FADS6: variants seen among roughly 807,000 people sequenced by gnomAD.
The protein encoded by FADS6 is fatty acid desaturase 6.
In FADS6, 28 loss-of-function variants were observed where a neutral mutation model predicts 31.7. The ratio of observed to expected loss-of-function variants is 0.88; its 90% CI spans 0.66 to 1.21. FADS6 has a LOEUF of 1.21. FADS6 is among the 50% of genes most tolerant of loss of function. The pLI, the probability that FADS6 is intolerant of heterozygous loss-of-function variation, is 0.00. For missense variants in FADS6, 494 were observed against 504.2 expected (o/e 0.98, Z 0.19); for synonymous variants, 191 against 213.1 (o/e 0.90, Z 0.90).
chr17:74,888,963 C>A (rs537965369), intron 2 of FADS6, among the ~76,000 whole-genome samples: 3 of 152,176 alleles, frequency 2.0e-5, no homozygotes, highest in African/African-American at 4.8e-5. Context: ...CAGGTACTCT[C>A]GCTGGGTAAG....
At chr17:74,891,249 G>A (rs1487207148) in intron 2 of FADS6, among the ~76,000 whole-genome samples, 1 of 151,380 alleles carries the variant, frequency 6.6e-6, no homozygotes, top group African/African-American at 2.4e-5. Context: ...CGTTGGTCAT[G>A]CTGGTCTCAA....
Position 74,882,569 on chromosome 17 carries a change from G to T in FADS6, c.553C>A (p.Pro185Thr). ...GGAGTGGCGATGGGGAGGAGGAAAG[G>T]AGCAAGGAACATGTAGACATAGCGG... ...LNRYVYMFLAPFLLPIATPLV... is the reference protein window; with the variant it reads ...LNRYVYMFLATFLLPIATPLV... The change falls in exon 3 of 6, where the codon CCT becomes ACT. Residue 185 changes from proline to threonine, a missense_variant. Pro to Thr is a conservative substitution (Grantham distance 38). This residue lies in a region of FADS6 where 454 missense variants were observed against 438.5 expected (regional missense o/e 1.04). Transcript: ENST00000612771. The T allele has an allele frequency of 6.2e-7, 1 of 1,612,320 alleles. No homozygotes were observed. The highest frequency in any genetic ancestry group is 8.5e-7 in the Non-Finnish European group (1 of 1,179,356).
chr17:74,885,725 T>C (rs966063314), intron 2 of FADS6, among the ~76,000 whole-genome samples: 1 of 152,158 alleles, frequency 6.6e-6, no homozygotes, highest in Non-Finnish European at 1.5e-5. Flanking sequence ...TCTCTCAGCC[T>C]GCCCATGCCA....
Position 74,879,612 on chromosome 17 carries a change from C to T in FADS6, c.781-29G>A, listed in dbSNP as rs376084957. ...TGACAGACACGTGGGTCACGCCGGG[C>T]AGCCTGGACCTCCCCACCCCACTCC... On this transcript the variant is annotated intron_variant, in intron 4 of 5. Transcript: ENST00000612771. The T allele has an allele frequency of 1.5e-4, 243 of 1,592,840 alleles. 1 individual carries two copies. In the African/African-American group the frequency reaches 3.0e-3, roughly 20 times the overall value.
intron 2 of FADS6, among the ~76,000 whole-genome samples, chr17:74,888,155 C>T (rs1490779336): frequency 3.5e-5 from 3 of 86,310 alleles, no homozygotes; most frequent in East Asian, 3.9e-4. Flanking sequence ...CACACACACA[C>T]GCGCGCGCGC....
At chr17:74,893,259 A>T in intron 1 of FADS6, 93 bp downstream of exon 1, 1 of 1,354,366 alleles carries the variant, frequency 7.4e-7, no homozygotes, top group Non-Finnish European at 9.7e-7. Context: ...CTGCACTCCC[A>T]CGGCTGCTGT....
intron 1 of FADS6, among the ~76,000 whole-genome samples, chr17:74,893,142 C>T (rs1381108664): frequency 6.6e-6 from 1 of 152,174 alleles, no homozygotes; most frequent in East Asian, 1.9e-4. Flanking sequence ...GTACACAGGG[C>T]AGAACACCCC....
rs2038582955 is a variant in FADS6 at position 74,882,613 on chromosome 17, C to T, written c.509G>A (p.Trp170Ter). Residue 170 changes from tryptophan (W) to a stop codon, truncating the protein, a stop_gained, in exon 3 of 6, where the codon TGG (tryptophan) becomes TAG (stop). Transcript: ENST00000612771. LOFTEE classifies it high-confidence loss of function. ...NVVGLGDSST[W>*]RLPCLNRYVY... ...ATAGCGGTTGAGGCAAGGCAGCCTC[C>T]ACGTGCTGGAGTCCCCCAGGCCCAC... is the stretch of plus-strand genomic sequence containing the variant. The T allele has an allele frequency of 6.2e-7, 1 of 1,611,460 alleles. No homozygotes were observed. The highest frequency in any genetic ancestry group is 8.5e-7 in the Non-Finnish European group (1 of 1,179,042).
intron 2 of FADS6, among the ~76,000 whole-genome samples, chr17:74,887,502 C>G (rs1161365813): frequency 6.6e-6 from 1 of 152,194 alleles, no homozygotes; most frequent in Non-Finnish European, 1.5e-5. Flanking sequence ...TCTGCCTGCC[C>G]CAGTCACCTA....
At chr17:74,884,442 A>C (rs1018288586) in intron 2 of FADS6, among the ~76,000 whole-genome samples, 1 of 152,194 alleles carries the variant, frequency 6.6e-6, no homozygotes, top group East Asian at 1.9e-4. Flanking sequence ...CAAATTCATC[A>C]ATGTGTGTTA....
chr17:74,884,189 G>A (rs1029894142), intron 2 of FADS6, among the ~76,000 whole-genome samples: 29 of 152,092 alleles, frequency 1.9e-4, no homozygotes, highest in Non-Finnish European at 4.3e-4. Context: ...GCCCTCACCA[G>A]GGTCCCTCTC....
At chr17:74,892,775 C>A (rs2038705377) in intron 1 of FADS6, 86 bp from the exon 2 acceptor site, 1 of 1,371,142 alleles carries the variant, frequency 7.3e-7, no homozygotes, top group Non-Finnish European at 9.7e-7. Flanking sequence ...CCTGGGAGCC[C>A]AGGCTAAAGT....
intron 2 of FADS6, among the ~76,000 whole-genome samples, chr17:74,892,285 G>A (rs930528425): frequency 6.6e-6 from 1 of 152,216 alleles, no homozygotes; most frequent in African/African-American, 2.4e-5. Context: ...GGCCAAGACA[G>A]CGGCATACTC....
At chr17:74,887,758 TCACC>T (rs2038638534) in intron 2 of FADS6, among the ~76,000 whole-genome samples, 1 of 152,172 alleles carries the variant, frequency 6.6e-6, no homozygotes, top group Admixed American at 6.5e-5. Flanking sequence ...CAATCTCAGC[TCACC>T]ACAACCTCCG....
At chr17:74,883,382 G>C (rs974995908) in intron 2 of FADS6, among the ~76,000 whole-genome samples, 1 of 152,208 alleles carries the variant, frequency 6.6e-6, no homozygotes, top group African/African-American at 2.4e-5. Flanking sequence ...GCAGATACAT[G>C]CAAATGGTAT....
intron 2 of FADS6, among the ~76,000 whole-genome samples, chr17:74,888,796 A>G (rs143462472): frequency 1.3e-5 from 2 of 152,298 alleles, no homozygotes; most frequent in African/African-American, 4.8e-5. Flanking sequence ...TCAGGAGTTA[A>G]TCTTTCCCAA....
At chr17:74,892,096 G>A (rs1413293556) in intron 2 of FADS6, among the ~76,000 whole-genome samples, 11 of 152,186 alleles carry the variant, frequency 7.2e-5, no homozygotes, top group South Asian at 2.1e-4. Context: ...AGCTGACCCC[G>A]GGGAGCAGGG....
chr17:74,877,705 C>T lies in FADS6; in HGVS notation c.*626G>A, dbSNP rs748612615. 6.3e-5 allele frequency: 62 copies of T among 985,446 alleles called. No homozygotes were observed. Among genetic ancestry groups the T allele is most frequent in the Admixed American group, 1.2e-4 (2 of 16,250 alleles). 61.0% of individuals were successfully genotyped at this position (985,446 alleles called of 1,614,324 possible). A position where few individuals can be genotyped will look rare whatever the true frequency, so the allele number is the denominator to read the frequency against. ...CCTCACTTCCCCTGGAGTTCCCTCC[C>T]GACAAAACACACTCACTTTTATCTT... is the stretch of plus-strand genomic sequence containing the variant. On this transcript the variant is annotated 3_prime_UTR_variant, in exon 6 of 6. Coordinates refer to ENST00000612771, the MANE Select transcript of FADS6 (RefSeq NM_178128.6).
chr17:74,893,497 C>CCATGGGCTCCGTA lies in FADS6; in HGVS notation c.98_99insTACGGAGCCCATG (p.Ala34ThrfsTer256), dbSNP rs2038716532. On this transcript the variant is annotated frameshift_variant, in exon 1 of 6. Coordinates refer to ENST00000612771, the MANE Select transcript of FADS6 (RefSeq NM_178128.6). LOFTEE classifies it high-confidence loss of function. ...CGCCCCCACGGTGCGCGCTCCGCGC[C>CCATGGGCTCCGTA]GGTTCCATGGGCTCCGTAGGTTCCA... 1.3e-4 allele frequency: 205 copies of CCATGGGCTCCGTA among 1,543,006 alleles called. No homozygotes were observed. Among genetic ancestry groups the CCATGGGCTCCGTA allele is most frequent in the Middle Eastern group, 1.0e-3 (6 of 5,718 alleles).
Sources: allele counts gnomAD v4.1 joint callset (sites outside exome capture counted in the v4.1 genomes callset), GRCh38; gene constraint gnomAD v4.1.1; regional missense constraint gnomAD v4.1.1; transcripts MANE v1.5; gene names NCBI Gene and HGNC (gene_info 2026-07-23, HGNC 2026-07-21).